Variants in ZEB2 observed in about 807,000 individuals in gnomAD.
ZEB2 encodes the protein zinc finger E-box-binding homeobox 2.
In ZEB2, 6 loss-of-function variants were observed where a neutral mutation model predicts 99.9. The ratio of observed to expected loss-of-function variants is 0.06; its 90% CI spans 0.03 to 0.12. The LOEUF (loss-of-function observed/expected upper bound fraction) is 0.12. Ranked by LOEUF, ZEB2 falls within the 10% of genes least tolerant of loss-of-function variation. The probability of loss-of-function intolerance (pLI) is 1.00; values close to 1 mark genes in which losing one functional copy is unlikely to be tolerated. For missense variants in ZEB2, 969 were observed against 1,502.8 expected (o/e 0.64, Z 5.87); for synonymous variants, 517 against 542.5 (o/e 0.95, Z 0.65).
rs143474223 is a variant in ZEB2 at position 144,396,528 on chromosome 2, G to A, written c.2951C>T (p.Ser984Phe). ...SGLDDMTDSD[S>F]CLSRKKIKKT... ...CTTGATCTTTTTGCGAGACAGACAGGAGTCGGAGTCTGTCATATCATCTAG... is the reference window on the plus strand; with the variant it reads ...CTTGATCTTTTTGCGAGACAGACAGAAGTCGGAGTCTGTCATATCATCTAG... Residue 984 changes from serine (S) to phenylalanine (F), a missense_variant, in exon 9 of 10, where the codon TCC (serine) becomes TTC (phenylalanine). This residue lies in a region of ZEB2 where 346 missense variants were observed against 460.0 expected (regional missense o/e 0.75). Coordinates refer to ENST00000627532, the MANE Select transcript of ZEB2 (RefSeq NM_014795.4). 2.5e-6 allele frequency: 4 copies of A among 1,614,062 alleles called. No homozygotes were observed. The highest frequency in any genetic ancestry group is 3.4e-6 in the Non-Finnish European group (4 of 1,179,972).
chr2:144,472,775 A>T (rs1454952337), intron 2 of ZEB2, among the ~76,000 whole-genome samples: 1 of 152,136 alleles, frequency 6.6e-6, no homozygotes, highest in African/African-American at 2.4e-5. Context: ...GTATACCATG[A>T]GAAGAGTTTC....
chr2:144,445,797 C>T (rs934568860), intron 2 of ZEB2, among the ~76,000 whole-genome samples: 2 of 152,140 alleles, frequency 1.3e-5, no homozygotes, highest in African/African-American at 4.8e-5. Flanking sequence ...TTTACCTGAA[C>T]AGCAAATGCA....
At chr2:144,394,906 C>T (rs1002947305) in intron 9 of ZEB2, among the ~76,000 whole-genome samples, 6 of 151,858 alleles carry the variant, frequency 4.0e-5, no homozygotes, top group African/African-American at 1.5e-4. Flanking sequence ...CGAGTACTTC[C>T]CAAGGACAGT....
chr2:144,430,483 G>GAC (rs147695024), intron 2 of ZEB2: 111 of 204,422 alleles, frequency 5.4e-4, no homozygotes, highest in Non-Finnish European at 8.8e-4. Flanking sequence ...AGAAACAGTA[G>GAC]ACACACACAC....
At chr2:144,411,170 T>C (rs1392885364) in intron 4 of ZEB2, among the ~76,000 whole-genome samples, 2 of 132,756 alleles carry the variant, frequency 1.5e-5, no homozygotes, top group African/African-American at 6.1e-5. Context: ...TGTAATGTAA[T>C]GTATATAACA....
intron 2 of ZEB2, among the ~76,000 whole-genome samples, chr2:144,493,161 A>C (rs1039692966): frequency 6.6e-6 from 1 of 152,112 alleles, no homozygotes; most frequent in Non-Finnish European, 1.5e-5. Flanking sequence ...CAAAGAGTAA[A>C]AAAAAAAGGA....
intron 4 of ZEB2, among the ~76,000 whole-genome samples, chr2:144,409,706 G>T (rs112424007): frequency 4.2e-4 from 64 of 152,124 alleles, no homozygotes; most frequent in African/African-American, 1.5e-3. Flanking sequence ...TCTAGCTTGG[G>T]CAACAAATCT....
rs1454233814 is a variant in ZEB2, at chr2:144,387,049, A to ATATATATATATACATGTG, written c.*2401_*2402insCACATGTATATATATATA. The ATATATATATATACATGTG allele has an allele frequency of 2.5e-4, 37 of 145,206 alleles. No individual in the cohort carries two copies. Among genetic ancestry groups the ATATATATATATACATGTG allele is most frequent in the African/African-American group, 9.2e-4 (36 of 39,094 alleles). 9.0% of individuals were successfully genotyped at this position (145,206 alleles called of 1,614,324 possible). A position where few individuals can be genotyped will look rare whatever the true frequency, so the allele number is the denominator to read the frequency against. On this transcript the variant is annotated 3_prime_UTR_variant, in exon 10 of 10. Transcript: ENST00000627532. ...TTTCTGTGTATGTGTGTGTGTGTAT[A>ATATATATATATACATGTG]TATATATATATATACACACACACAC... is the stretch of plus-strand genomic sequence containing the variant.
intron 2 of ZEB2, among the ~76,000 whole-genome samples, chr2:144,502,149 C>T (rs761992726): frequency 3.3e-5 from 5 of 152,110 alleles, no homozygotes; most frequent in Admixed American, 6.5e-5. Flanking sequence ...GCAGTCTCAC[C>T]GGTTATTAGC....
At chr2:144,395,333 T>C (rs1264615650) in intron 9 of ZEB2, among the ~76,000 whole-genome samples, 2 of 152,106 alleles carry the variant, frequency 1.3e-5, no homozygotes, top group East Asian at 3.9e-4. Flanking sequence ...CTTTTTCTTT[T>C]GTGCCTCATC....
intron 2 of ZEB2, among the ~76,000 whole-genome samples, chr2:144,458,569 C>G (rs934941198): frequency 3.3e-5 from 5 of 151,728 alleles, no homozygotes; most frequent in African/African-American, 1.2e-4. Context: ...GTTCACATTC[C>G]AACTGACAGA....
At chr2:144,451,829 T>C (rs912312284) in intron 2 of ZEB2, among the ~76,000 whole-genome samples, 1 of 152,278 alleles carries the variant, frequency 6.6e-6, no homozygotes, top group African/African-American at 2.4e-5. Flanking sequence ...TTTGTCCATA[T>C]GGACACATCG....
At chr2:144,511,711 C>G in intron 2 of ZEB2, 1 of 1,286,716 alleles carries the variant, frequency 7.8e-7, no homozygotes, top group South Asian at 1.2e-5. Context: ...AGCAAACATA[C>G]AAATAATGAG....
intron 2 of ZEB2, among the ~76,000 whole-genome samples, chr2:144,476,964 A>G (rs1352154840): frequency 6.6e-6 from 1 of 152,180 alleles, no homozygotes; most frequent in Admixed American, 6.5e-5. Context: ...AAAAACATTC[A>G]TGGGGCAATG....
chr2:144,478,926 A>T (rs1009236914), intron 2 of ZEB2, among the ~76,000 whole-genome samples: 1 of 152,240 alleles, frequency 6.6e-6, no homozygotes, highest in Non-Finnish European at 1.5e-5. Flanking sequence ...AAAAGCTAAA[A>T]ATCAATTGAA....
intron 2 of ZEB2, among the ~76,000 whole-genome samples, chr2:144,491,318 A>G (rs1001498679): frequency 6.8e-5 from 10 of 147,988 alleles, no homozygotes; most frequent in South Asian, 2.3e-4. Flanking sequence ...CAAAAGTGAA[A>G]GATATTCTTG....
At chr2:144,450,308 A>T (rs559175005) in intron 2 of ZEB2, 1 of 152,328 alleles carries the variant, frequency 6.6e-6, no homozygotes, top group African/African-American at 2.4e-5. Flanking sequence ...TTGAGAGCTG[A>T]ATTACATCAA....
intron 2 of ZEB2, among the ~76,000 whole-genome samples, chr2:144,514,955 C>A (rs1336320972): frequency 6.6e-6 from 1 of 152,180 alleles, no homozygotes; most frequent in African/African-American, 2.4e-5. Flanking sequence ...ATTCCACCTG[C>A]GAAGCGCCCA....
chr2:144,486,598 C>T (rs533729240), intron 2 of ZEB2, among the ~76,000 whole-genome samples: 1 of 151,964 alleles, frequency 6.6e-6, no homozygotes, highest in Admixed American at 6.6e-5. Context: ...AATGTCTCAG[C>T]TTTTTCATTC....
Sources: allele counts gnomAD v4.1 joint callset (sites outside exome capture counted in the v4.1 genomes callset), GRCh38; gene constraint gnomAD v4.1.1; regional missense constraint gnomAD v4.1.1; transcripts MANE v1.5; gene names NCBI Gene and HGNC (gene_info 2026-07-23, HGNC 2026-07-21).